Variants in CCDC85A observed in about 807,000 individuals in gnomAD.
CCDC85A encodes the protein coiled-coil domain containing 85A.
CCDC85A carries 38 observed loss-of-function variants against 50.2 expected under a neutral mutation model. That is an observed-to-expected ratio of 0.76 (90% confidence interval 0.58 to 0.99). The LOEUF (loss-of-function observed/expected upper bound fraction) is 0.99, where lower values mean the gene tolerates loss of function less well. Among genes scored for constraint, CCDC85A ranks in the 50% least tolerant of loss-of-function variants. The probability of loss-of-function intolerance (pLI) is 0.00; values close to 1 mark genes in which losing one functional copy is unlikely to be tolerated. For missense variants in CCDC85A, 820 were observed against 742.0 expected (o/e 1.11, Z -1.22); for synonymous variants, 366 against 301.4 (o/e 1.21, Z -2.22).
chr2:56,309,445 T>A (rs1459399628), intron 2 of CCDC85A, among the ~76,000 whole-genome samples: 5 of 152,198 alleles, frequency 3.3e-5, no homozygotes, highest in African/African-American at 1.2e-4. Flanking sequence ...TATTTTATGG[T>A]ATAGTGATAG....
intron 2 of CCDC85A, among the ~76,000 whole-genome samples, chr2:56,225,726 A>G (rs1668514930): frequency 6.6e-6 from 1 of 152,186 alleles, no homozygotes; most frequent in African/African-American, 2.4e-5. Flanking sequence ...GAATTTGAAG[A>G]CTATTGCCAT....
intron 2 of CCDC85A, among the ~76,000 whole-genome samples, chr2:56,213,214 A>C (rs1210866420): frequency 1.3e-5 from 2 of 151,940 alleles, no homozygotes; most frequent in Non-Finnish European, 2.9e-5. Flanking sequence ...CAAATGGATC[A>C]CCTTGGTCAC....
intron 2 of CCDC85A, among the ~76,000 whole-genome samples, chr2:56,207,599 C>A (rs573990137): frequency 6.6e-6 from 1 of 152,160 alleles, no homozygotes; most frequent in Non-Finnish European, 1.5e-5. Context: ...GAAAAACATA[C>A]AGTCAAGTTA....
At chr2:56,220,019 C>T (rs181146301) in intron 2 of CCDC85A, among the ~76,000 whole-genome samples, 2 of 152,082 alleles carry the variant, frequency 1.3e-5, no homozygotes, top group African/African-American at 4.8e-5. Flanking sequence ...GAGAGCTTCA[C>T]TAAGGTGACA....
intron 2 of CCDC85A, among the ~76,000 whole-genome samples, chr2:56,198,327 A>T (rs1676607473): frequency 6.6e-6 from 1 of 152,242 alleles, no homozygotes; most frequent in Admixed American, 6.5e-5. Context: ...GAAAAATTTT[A>T]ACAGTTACAG....
At chr2:56,267,237 G>T (rs966982928) in intron 2 of CCDC85A, among the ~76,000 whole-genome samples, 1 of 152,060 alleles carries the variant, frequency 6.6e-6, no homozygotes, top group Non-Finnish European at 1.5e-5. Flanking sequence ...CAGTTCTCCA[G>T]TTCTCACCAT....
chr2:56,383,548 T>C (rs922150659), intron 5 of CCDC85A: 6 of 978,504 alleles, frequency 6.1e-6, no homozygotes, highest in Non-Finnish European at 7.3e-6. Flanking sequence ...CATATTGTAA[T>C]TGTATCTCTT....
chr2:56,374,129 C>T (rs577326378), intron 4 of CCDC85A, among the ~76,000 whole-genome samples: 6 of 152,300 alleles, frequency 3.9e-5, no homozygotes, highest in African/African-American at 1.4e-4. Flanking sequence ...AATCCTGTTT[C>T]ATCACCTGCT....
chr2:56,201,079 CACACACACACACACACACACACA>C (rs1422264364), intron 2 of CCDC85A, among the ~76,000 whole-genome samples: 6 of 137,990 alleles, frequency 4.3e-5, no homozygotes, highest in South Asian at 2.3e-4. Flanking sequence ...TCTCTCTCCA[CACACACACACACACACACACACA>C]CACACACACA....
chr2:56,369,507 C>T (rs1035949319), intron 3 of CCDC85A, among the ~76,000 whole-genome samples: 2 of 152,090 alleles, frequency 1.3e-5, no homozygotes, highest in African/African-American at 4.8e-5. Context: ...CATGCTAAAC[C>T]CATGCAAATG....
At chr2:56,295,777 G>T (rs997934100) in intron 2 of CCDC85A, among the ~76,000 whole-genome samples, 5 of 152,150 alleles carry the variant, frequency 3.3e-5, no homozygotes, top group African/African-American at 1.2e-4. Context: ...GACTGAAAAG[G>T]AAGTGCCTGG....
intron 2 of CCDC85A, among the ~76,000 whole-genome samples, chr2:56,270,261 G>T (rs1008305682): frequency 6.6e-6 from 1 of 152,114 alleles, no homozygotes; most frequent in African/African-American, 2.4e-5. Context: ...TTTAAAAAAT[G>T]TTATTTATGT....
intron 1 of CCDC85A, among the ~76,000 whole-genome samples, chr2:56,189,806 T>C (rs1676221266): frequency 6.6e-6 from 1 of 152,112 alleles, no homozygotes; most frequent in Non-Finnish European, 1.5e-5. Flanking sequence ...GGGAGTATTT[T>C]TGAAGGTCTG....
intron 2 of CCDC85A, among the ~76,000 whole-genome samples, chr2:56,219,890 T>C (rs1668245708): frequency 6.6e-6 from 1 of 151,948 alleles, no homozygotes; most frequent in East Asian, 1.9e-4. Flanking sequence ...GACACTAAAA[T>C]ATAGTAGAAA....
intron 2 of CCDC85A, among the ~76,000 whole-genome samples, chr2:56,258,292 A>G (rs1047186703): frequency 1.3e-5 from 2 of 152,238 alleles, no homozygotes; most frequent in African/African-American, 2.4e-5. Flanking sequence ...TGGAAAGAAC[A>G]TAGAATGAGA....
chr2:56,250,693 T>A (rs1340489590), intron 2 of CCDC85A, among the ~76,000 whole-genome samples: 2 of 152,196 alleles, frequency 1.3e-5, no homozygotes, highest in Non-Finnish European at 2.9e-5. Flanking sequence ...TGCTAATGTG[T>A]GCTTCTTGAA....
intron 2 of CCDC85A, among the ~76,000 whole-genome samples, chr2:56,282,547 T>G (rs935132756): frequency 1.3e-5 from 2 of 152,230 alleles, no homozygotes; most frequent in South Asian, 4.1e-4. Flanking sequence ...CTAGCTGTTG[T>G]TGCCGAGGTT....
At chr2:56,335,438 A>G (rs762252631) in intron 2 of CCDC85A, among the ~76,000 whole-genome samples, 3 of 152,094 alleles carry the variant, frequency 2.0e-5, no homozygotes, top group Admixed American at 6.5e-5. Context: ...TTTTGCTACT[A>G]TAACAGAATA....
intron 2 of CCDC85A, among the ~76,000 whole-genome samples, chr2:56,299,529 C>G (rs1178102571): frequency 6.6e-6 from 1 of 152,098 alleles, no homozygotes; most frequent in African/African-American, 2.4e-5. Context: ...CCACTGAAAA[C>G]AGATTTCCTG....
Sources: gnomAD v4.1 joint callset for allele counts (sites outside exome capture counted in the v4.1 genomes callset) on GRCh38, gnomAD v4.1.1 for gene constraint, MANE v1.5 for transcripts, NCBI Gene and HGNC (gene_info 2026-07-23, HGNC 2026-07-21) for gene names.